The following RAP1GDS1 variants were observed in gnomAD, a reference collection of about 807,000 sequenced individuals.
RAP1GDS1 encodes the protein RAP1, GTP-GDP dissociation stimulator 1.
Under a neutral mutation model 71.1 loss-of-function variants are expected in RAP1GDS1, and 35 were observed. The ratio of observed to expected loss-of-function variants is 0.49; its 90% CI spans 0.38 to 0.65. The LOEUF (loss-of-function observed/expected upper bound fraction) is 0.65. Among genes scored for constraint, RAP1GDS1 ranks in the 30% least tolerant of loss-of-function variants. The pLI, the probability that RAP1GDS1 is intolerant of heterozygous loss-of-function variation, is 0.00. For missense variants in RAP1GDS1, 663 were observed against 706.1 expected (o/e 0.94, Z 0.69); for synonymous variants, 229 against 243.1 (o/e 0.94, Z 0.54).
chr4:98,432,149 T>C (rs547466294), intron 12 of RAP1GDS1, among the ~76,000 whole-genome samples: 1 of 152,252 alleles, frequency 6.6e-6, no homozygotes, highest in South Asian at 2.1e-4. Context: ...TAAAAAGGAC[T>C]CAGGTATCTG....
At chr4:98,373,513 G>A (rs911422628) in intron 4 of RAP1GDS1, among the ~76,000 whole-genome samples, 2 of 151,606 alleles carry the variant, frequency 1.3e-5, no homozygotes, top group African/African-American at 4.9e-5. Context: ...TAGATTTGTA[G>A]CATGATGGCT....
At chr4:98,286,480 A>G (rs1317863303) in intron 1 of RAP1GDS1, among the ~76,000 whole-genome samples, 2 of 152,150 alleles carry the variant, frequency 1.3e-5, no homozygotes, top group Non-Finnish European at 2.9e-5. Context: ...ATTATAGTTT[A>G]ATATTGTAGT....
chr4:98,411,074 GTT>G (rs1307618424), intron 7 of RAP1GDS1, among the ~76,000 whole-genome samples: 1 of 152,146 alleles, frequency 6.6e-6, no homozygotes, highest in Admixed American at 6.6e-5. Context: ...TTTAAAAAAA[GTT>G]TTAAAATACC....
chr4:98,421,604 T>C (rs997802064), intron 12 of RAP1GDS1, among the ~76,000 whole-genome samples: 1 of 152,224 alleles, frequency 6.6e-6, no homozygotes. Context: ...GCTATTGTTG[T>C]TATTACTTTT....
At chr4:98,300,691 G>A (rs912883338) in intron 2 of RAP1GDS1, among the ~76,000 whole-genome samples, 1 of 152,004 alleles carries the variant, frequency 6.6e-6, no homozygotes, top group African/African-American at 2.4e-5. Context: ...ATGAGCCACC[G>A]TGCCCAGCCT....
chr4:98,399,047 T>C (rs1744971670), intron 6 of RAP1GDS1, among the ~76,000 whole-genome samples: 1 of 152,020 alleles, frequency 6.6e-6, no homozygotes, highest in Non-Finnish European at 1.5e-5. Flanking sequence ...CCAATGACTT[T>C]TTTTTTGTGG....
intron 4 of RAP1GDS1, among the ~76,000 whole-genome samples, chr4:98,375,780 A>G (rs532091261): frequency 3.9e-5 from 6 of 152,296 alleles, no homozygotes; most frequent in African/African-American, 1.2e-4. Context: ...ATTCTTGAGT[A>G]CCTACTATAT....
rs1176439955 is a variant in RAP1GDS1 at position 98,308,277 on chromosome 4, CAT to C, written c.112+14770_112+14771del. On this transcript the variant is annotated intron_variant, in intron 2 of 14. Coordinates refer to ENST00000408927, the MANE Select transcript of RAP1GDS1 (RefSeq NM_001100427.2). Reference sequence around the variant, plus strand: ...GTATATATACACACACACCCACACACATATATATACACACACACACTATATAT... The same window carrying C: ...GTATATATACACACACACCCACACACATATATACACACACACACTATATAT... Among the ~76,000 whole-genome samples, 5 of 128,782 alleles carry C rather than the reference CAT, an allele frequency of 3.9e-5. 1 individual carries two copies. The highest frequency in any genetic ancestry group is 6.1e-5 in the African/African-American group (2 of 33,018). 84.5% of individuals were successfully genotyped at this position (128,782 alleles called of 152,430 possible). A position where few individuals can be genotyped will look rare whatever the true frequency, so the allele number is the denominator to read the frequency against.
At position 98,287,160 on chromosome 4, in the gene RAP1GDS1, C is replaced by T. The variant is rs530403228; in HGVS notation, c.5-6248C>T. ...AGTATGAGTATCCTAGCATAATTTC[C>T]TGTCCTAGAGGAATTTTCAATCTAA... On this transcript the variant is annotated intron_variant, in intron 1 of 14. Transcript: ENST00000408927. Among the ~76,000 whole-genome samples, 21 of 152,160 alleles carry T rather than the reference C, an allele frequency of 1.4e-4. No homozygotes were observed. In the South Asian group the frequency reaches 4.4e-3, roughly 32 times the overall value.
chr4:98,422,158 C>T (rs528332670), intron 12 of RAP1GDS1, among the ~76,000 whole-genome samples: 2 of 152,126 alleles, frequency 1.3e-5, no homozygotes, highest in African/African-American at 4.8e-5. Flanking sequence ...CGAGATTGCA[C>T]CACTGCACTC....
At chr4:98,374,165 C>A (rs1296592907) in intron 4 of RAP1GDS1, among the ~76,000 whole-genome samples, 1 of 152,062 alleles carries the variant, frequency 6.6e-6, no homozygotes, top group African/African-American at 2.4e-5. Flanking sequence ...TATTTTCTTT[C>A]CTTCAGCTCT....
intron 13 of RAP1GDS1, among the ~76,000 whole-genome samples, chr4:98,436,157 A>G (rs1249855880): frequency 1.3e-5 from 2 of 151,850 alleles, no homozygotes; most frequent in Non-Finnish European, 2.9e-5. Context: ...TGGATGTCTA[A>G]TTGTACTAGC....
At chr4:98,357,467 G>A (rs566746796) in intron 4 of RAP1GDS1, among the ~76,000 whole-genome samples, 10 of 151,794 alleles carry the variant, frequency 6.6e-5, no homozygotes, top group Non-Finnish European at 1.0e-4. Flanking sequence ...TCACATGAAA[G>A]CATTCCACTA....
chr4:98,292,078 G>A (rs1290779987), intron 1 of RAP1GDS1, among the ~76,000 whole-genome samples: 1 of 151,482 alleles, frequency 6.6e-6, no homozygotes. Context: ...AAGAAGATAC[G>A]AGAGTCCAGT....
chr4:98,368,770 G>A (rs1739910902), intron 4 of RAP1GDS1, among the ~76,000 whole-genome samples: 1 of 152,028 alleles, frequency 6.6e-6, no homozygotes, highest in Admixed American at 6.6e-5. Context: ...CTGTAGCTCT[G>A]TTGATTTTGG....
At chr4:98,347,999 G>A (rs1362528300) in intron 3 of RAP1GDS1, among the ~76,000 whole-genome samples, 4 of 151,932 alleles carry the variant, frequency 2.6e-5, no homozygotes, top group African/African-American at 9.7e-5. Context: ...AAGTTCTAGG[G>A]TACATGTGCA....
intron 7 of RAP1GDS1, among the ~76,000 whole-genome samples, chr4:98,407,188 G>A (rs1199740043): frequency 6.6e-6 from 1 of 151,984 alleles, no homozygotes; most frequent in African/African-American, 2.4e-5. Context: ...TTCTGTGGTA[G>A]CAGCTATAAT....
In RAP1GDS1 at chr4:98,414,811, T is replaced by C. The variant is rs551111572; in HGVS notation, c.764-1934T>C. On this transcript the variant is annotated intron_variant, in intron 7 of 14. Transcript: ENST00000408927. ...AATCTGTAAATTACCTTGGGTAGTA[T>C]GGCCATTTTCACGATATTGATTCTT... Among the ~76,000 whole-genome samples the C allele has an allele frequency of 3.7e-3, 567 of 152,126 alleles. 5 individuals carry two copies. Among genetic ancestry groups the C allele is most frequent in the African/African-American group, 0.013 (541 of 41,438 alleles).
At chr4:98,434,167 T>G (rs1377322105) in intron 13 of RAP1GDS1, 105 bp downstream of exon 13, 1 of 1,349,230 alleles carries the variant, frequency 7.4e-7, no homozygotes, top group Non-Finnish European at 1.0e-6. Flanking sequence ...GGAAGCATTT[T>G]GCTAGTGTCT....
Sources: gnomAD v4.1 joint callset for allele counts (sites outside exome capture counted in the v4.1 genomes callset) on GRCh38, gnomAD v4.1.1 for gene constraint, MANE v1.5 for transcripts, NCBI Gene and HGNC (gene_info 2026-07-23, HGNC 2026-07-21) for gene names.